The following CLIP2 variants were observed in gnomAD, a reference collection of about 807,000 sequenced individuals.
CLIP2 encodes the protein CAP-Gly domain containing linker protein 2, also known as CAP-Gly domain-containing linker protein 2.
A neutral mutation model predicts 111.7 loss-of-function variants in CLIP2; 41 were observed. The observed-to-expected ratio is 0.37, with a 90% CI of 0.29 to 0.48. The LOEUF (loss-of-function observed/expected upper bound fraction) is 0.48, where lower values mean the gene tolerates loss of function less well. Ranked by LOEUF, CLIP2 falls within the 20% of genes least tolerant of loss-of-function variation. The probability of loss-of-function intolerance (pLI) is 0.99; values close to 1 mark genes in which losing one functional copy is unlikely to be tolerated. For synonymous variants in CLIP2, 660 were observed against 644.2 expected (o/e 1.02, Z -0.37); for missense variants, 1,160 against 1,422.1 (o/e 0.82, Z 2.96).
At chr7:74,346,470 C>A (rs1304970510) in intron 3 of CLIP2, among the ~76,000 whole-genome samples, 1 of 152,138 alleles carries the variant, frequency 6.6e-6, no homozygotes, top group African/African-American at 2.4e-5. Flanking sequence ...CGCCTATAAT[C>A]CTGGCATTTT....
At chr7:74,310,609 G>A (rs1554728365) in intron 1 of CLIP2, among the ~76,000 whole-genome samples, 1 of 152,140 alleles carries the variant, frequency 6.6e-6, no homozygotes, top group Non-Finnish European at 1.5e-5. Context: ...CTTTTGGGCT[G>A]TTATGAGTAA....
At chr7:74,347,548 G>A (rs1296049930) in intron 3 of CLIP2, among the ~76,000 whole-genome samples, 17 of 152,110 alleles carry the variant, frequency 1.1e-4, no homozygotes, top group Non-Finnish European at 2.9e-5. Flanking sequence ...GATTACAGGC[G>A]TGAGCCACCG....
rs143583578 is a variant in CLIP2, at chr7:74,397,209, C to T, written c.2856C>T (p.Gly952=). Reference sequence around the variant, plus strand: ...AGAAACTCAAGGATGACATCCGGGGCCTGCGTGAAAAGCTGACCGGGCTGG... The same window carrying T: ...AGAAACTCAAGGATGACATCCGGGGTCTGCGTGAAAAGCTGACCGGGCTGG... ...KEQKLKDDIR[G]LREKLTGLDK... Residue 952 remains glycine, a synonymous_variant, in exon 14 of 17, where the codon GGC becomes GGT. Coordinates refer to ENST00000223398, the MANE Select transcript of CLIP2 (RefSeq NM_003388.5). 36 of 1,613,680 alleles carry T rather than the reference C, an allele frequency of 2.2e-5. No homozygotes were observed. Among genetic ancestry groups the T allele is most frequent in the Admixed American group, 1.0e-4 (6 of 59,908 alleles).
chr7:74,374,768 A>AG (rs1790729407), intron 9 of CLIP2, among the ~76,000 whole-genome samples: 2 of 152,198 alleles, frequency 1.3e-5, no homozygotes, highest in Non-Finnish European at 1.5e-5. Flanking sequence ...ATTGAACTAA[A>AG]GGATACCTTC....
chr7:74,300,486 C>T (rs1427139555), intron 1 of CLIP2, among the ~76,000 whole-genome samples: 4 of 147,828 alleles, frequency 2.7e-5, no homozygotes, highest in African/African-American at 5.0e-5. Context: ...GACGGAGTCT[C>T]GCTCTGTCGC....
intron 2 of CLIP2, among the ~76,000 whole-genome samples, chr7:74,331,334 G>C (rs1789272822): frequency 6.6e-6 from 1 of 151,424 alleles, no homozygotes; most frequent in Non-Finnish European, 1.5e-5. Flanking sequence ...AGCCAGTAGA[G>C]CAATGGCGAT....
chr7:74,353,426 T>A (rs1417130349), intron 3 of CLIP2, among the ~76,000 whole-genome samples: 2 of 152,052 alleles, frequency 1.3e-5, no homozygotes, highest in Non-Finnish European at 2.9e-5. Context: ...AATTTTTGTA[T>A]TTATAGTAGA....
intron 16 of CLIP2, among the ~76,000 whole-genome samples, chr7:74,403,230 AAAG>A (rs1384456221): frequency 2.6e-5 from 4 of 151,006 alleles, no homozygotes; most frequent in East Asian, 1.9e-4. Context: ...AAAAAAAAAA[AAAG>A]AGAGAGAGAT....
chr7:74,344,628 C>T (rs1789752098), intron 3 of CLIP2, among the ~76,000 whole-genome samples: 1 of 152,020 alleles, frequency 6.6e-6, no homozygotes, highest in Non-Finnish European at 1.5e-5. Context: ...GCCTCAAATT[C>T]CTGGCCTCAA....
chr7:74,308,884 TAG>T (rs1430884610), intron 1 of CLIP2, among the ~76,000 whole-genome samples: 1 of 151,884 alleles, frequency 6.6e-6, no homozygotes, highest in Non-Finnish European at 1.5e-5. Context: ...TTAACTTTTT[TAG>T]AGACAGGGTC....
intron 2 of CLIP2, among the ~76,000 whole-genome samples, chr7:74,333,763 A>G (rs2116544698): frequency 6.6e-6 from 1 of 152,334 alleles, no homozygotes; most frequent in South Asian, 2.1e-4. Context: ...GATTACAGGC[A>G]TGAGCCATGG....
chr7:74,368,390 G>A (rs1226407584), intron 8 of CLIP2, among the ~76,000 whole-genome samples: 2 of 151,892 alleles, frequency 1.3e-5, no homozygotes, highest in African/African-American at 2.4e-5. Flanking sequence ...GGTGGTGGGC[G>A]CCTGTAATCC....
intron 7 of CLIP2, among the ~76,000 whole-genome samples, chr7:74,364,036 T>A (rs184403448): frequency 5.1e-4 from 78 of 152,326 alleles, no homozygotes; most frequent in Admixed American, 8.5e-4. Context: ...GGGTGTTGCC[T>A]TAAACACTGC....
intron 13 of CLIP2, among the ~76,000 whole-genome samples, chr7:74,394,736 C>A (rs1465856720): frequency 2.0e-5 from 3 of 152,206 alleles, no homozygotes; most frequent in South Asian, 4.1e-4. Context: ...TGCGATGAGG[C>A]AATCTAGGAA....
At chr7:74,336,879 T>G (rs561847814) in intron 2 of CLIP2, among the ~76,000 whole-genome samples, 87 of 48,352 alleles carry the variant, frequency 1.8e-3, no homozygotes, top group Admixed American at 0.011. Flanking sequence ...TTTTTTGTTT[T>G]TTTTTGTTTT....
At chr7:74,393,426 T>A (rs1308247636) in intron 13 of CLIP2, among the ~76,000 whole-genome samples, 3 of 151,742 alleles carry the variant, frequency 2.0e-5, no homozygotes, top group East Asian at 1.9e-4. Flanking sequence ...AACCTCCACC[T>A]CCTAGGTTCA....
chr7:74,297,017 C>T (rs1373679088), intron 1 of CLIP2, among the ~76,000 whole-genome samples: 1 of 152,162 alleles, frequency 6.6e-6, no homozygotes, highest in African/African-American at 2.4e-5. Flanking sequence ...CAGTGGGTCG[C>T]CTTTCTGACA....
chr7:74,339,143 C>G (rs1789578706), intron 3 of CLIP2, 139 bp downstream of exon 3: 2 of 717,824 alleles, frequency 2.8e-6, no homozygotes, highest in Non-Finnish European at 4.5e-6. Flanking sequence ...GCCTGGGACA[C>G]CCATTCCTTA....
At chr7:74,304,689 G>A (rs1554727476) in intron 1 of CLIP2, among the ~76,000 whole-genome samples, 1 of 151,278 alleles carries the variant, frequency 6.6e-6, no homozygotes, top group East Asian at 2.0e-4. Flanking sequence ...CATGGTGGCT[G>A]ATGCCTGTAA....
Sources: allele counts gnomAD v4.1 joint callset (sites outside exome capture counted in the v4.1 genomes callset), GRCh38; gene constraint gnomAD v4.1.1; transcripts MANE v1.5; gene names NCBI Gene and HGNC (gene_info 2026-07-23, HGNC 2026-07-21).